Variants in C1QTNF3 observed in about 807,000 individuals in gnomAD.
C1QTNF3 encodes C1q and TNF related 3.
Under a neutral mutation model 32.6 loss-of-function variants are expected in C1QTNF3, and 26 were observed. The ratio of observed to expected loss-of-function variants is 0.80; its 90% CI spans 0.58 to 1.11. The LOEUF (loss-of-function observed/expected upper bound fraction) is 1.11. Among genes scored for constraint, C1QTNF3 ranks in the 50% least tolerant of loss-of-function variants. C1QTNF3 has a pLI of 0.00. For synonymous variants in C1QTNF3, 155 were observed against 146.0 expected (o/e 1.06, Z -0.44); for missense variants, 362 against 398.2 (o/e 0.91, Z 0.77).
the C1QTNF3 span, among the ~76,000 whole-genome samples, chr5:34,092,104 C>T: frequency 3.3e-5 from 5 of 151,424 alleles, no homozygotes; most frequent in East Asian, 7.7e-4. Context: ...AAATCATAAT[C>T]GTTACTCAAT....
At chr5:34,023,014 C>A (rs1241689163) in intron 5 of C1QTNF3, among the ~76,000 whole-genome samples, 1 of 152,098 alleles carries the variant, frequency 6.6e-6, no homozygotes, top group East Asian at 1.9e-4. Flanking sequence ...TGCCACCATG[C>A]CCGGGTAATT....
At chr5:34,154,643 T>G in the C1QTNF3 span, among the ~76,000 whole-genome samples, 1 of 152,198 alleles carries the variant, frequency 6.6e-6, no homozygotes, top group Non-Finnish European at 1.5e-5. Flanking sequence ...GCATTAATAA[T>G]TCACTTAATC....
intron 1 of C1QTNF3, 117 bp from the exon 2 acceptor site, chr5:34,035,875 G>A (rs1754725081): frequency 2.8e-6 from 2 of 712,480 alleles, no homozygotes; most frequent in East Asian, 2.7e-5. Flanking sequence ...ATCACAGCAA[G>A]ATCACAAAAG....
chr5:34,018,458 A>G lies in C1QTNF3; in HGVS notation c.*2125T>C, dbSNP rs368753684. Among the ~76,000 whole-genome samples, 1 of 152,022 alleles carries G rather than the reference A, an allele frequency of 6.6e-6. No individual in the cohort carries two copies. The highest frequency in any genetic ancestry group is 2.1e-4 in the South Asian group (1 of 4,820). On this transcript the variant is annotated 3_prime_UTR_variant, in exon 6 of 6. Coordinates refer to ENST00000382065, the MANE Select transcript of C1QTNF3 (RefSeq NM_181435.6). ...TCCATGTACTTATTCCCTTTAGCCT[A>G]TTGTCCTCTACTAGGTTGAAAAATT...
rs1754746758 is a variant in C1QTNF3 at position 34,036,638 on chromosome 5, C to T, written c.304-880G>A. 4.6e-5 allele frequency among the ~76,000 whole-genome samples: 7 copies of T among 152,282 alleles called. No individual in the cohort carries two copies. In the South Asian group the frequency reaches 1.4e-3, roughly 32 times the overall value. On this transcript the variant is annotated intron_variant, in intron 1 of 5. Transcript: ENST00000382065. ...CAACTATTTAACATGATTTCTATTTCACACATTCCACTTTAAAATGTGAAA... is the reference window on the plus strand; with the variant it reads ...CAACTATTTAACATGATTTCTATTTTACACATTCCACTTTAAAATGTGAAA...
the C1QTNF3 span, among the ~76,000 whole-genome samples, chr5:34,228,730 T>A: frequency 6.6e-6 from 1 of 152,086 alleles, no homozygotes. Flanking sequence ...TTGTCATATT[T>A]AATCTGCATA....
the C1QTNF3 span, among the ~76,000 whole-genome samples, chr5:34,107,857 C>T: frequency 6.6e-6 from 1 of 152,092 alleles, no homozygotes; most frequent in East Asian, 1.9e-4. Context: ...CCCACCAGCA[C>T]AAAATACTCA....
chr5:34,178,042 G>A, the C1QTNF3 span, among the ~76,000 whole-genome samples: 1 of 150,438 alleles, frequency 6.6e-6, no homozygotes, highest in Non-Finnish European at 1.5e-5. Flanking sequence ...CAAGGCAGGT[G>A]GATCGCTTGA....
intron 5 of C1QTNF3, among the ~76,000 whole-genome samples, chr5:34,021,522 T>C (rs1262417704): frequency 1.3e-5 from 2 of 152,224 alleles, no homozygotes; most frequent in East Asian, 1.9e-4. Flanking sequence ...TGTCTTTATA[T>C]CTGGAAGAGC....
the C1QTNF3 span, among the ~76,000 whole-genome samples, chr5:34,120,812 A>G: frequency 6.6e-6 from 1 of 152,190 alleles, no homozygotes; most frequent in Non-Finnish European, 1.5e-5. Flanking sequence ...TAAATTGCCC[A>G]GTTTCAGGCA....
chr5:34,220,111 G>A, the C1QTNF3 span, among the ~76,000 whole-genome samples: 1 of 152,054 alleles, frequency 6.6e-6, no homozygotes, highest in Admixed American at 6.6e-5. Context: ...CAATGCAACA[G>A]TAGTCCTACG....
At chr5:34,196,940 G>A in the C1QTNF3 span, among the ~76,000 whole-genome samples, 3,318 of 139,284 alleles carry the variant, frequency 0.024, 1 homozygote, top group African/African-American at 0.083. Flanking sequence ...GATTACAGGC[G>A]TGAGCCACCA....
At chr5:34,063,199 TAAC>T in the C1QTNF3 span, among the ~76,000 whole-genome samples, 1 of 152,178 alleles carries the variant, frequency 6.6e-6, no homozygotes, top group South Asian at 2.1e-4. Context: ...GTTTTTTTCT[TAAC>T]TACTTGTATA....
Position 34,035,532 on chromosome 5 carries a change from T to C in C1QTNF3, c.415+115A>G, listed in dbSNP as rs375117402. 1,953 of 779,620 alleles carry C rather than the reference T, an allele frequency of 2.5e-3. 50 individuals are homozygous for C. The South Asian group carries it at 0.03, about 12-fold the overall frequency. The allele number at this position is 779,620 out of a possible 1,614,324, so 48.3% of individuals were successfully genotyped here. A position where few individuals can be genotyped will look rare whatever the true frequency, so the allele number is the denominator to read the frequency against. ...ACCTGGTATTCCAGGGTGCCAAGAG[T>C]CTAGCGGATCCTTTGGATCACACAG... On this transcript the variant is annotated intron_variant, in intron 2 of 5. Transcript: ENST00000382065.
the C1QTNF3 span, among the ~76,000 whole-genome samples, chr5:34,228,950 C>T: frequency 6.6e-6 from 1 of 151,506 alleles, no homozygotes; most frequent in African/African-American, 2.4e-5. Flanking sequence ...CCTTAGGATG[C>T]CAATTAGAGT....
At chr5:34,087,748 T>C in the C1QTNF3 span, among the ~76,000 whole-genome samples, 1 of 152,124 alleles carries the variant, frequency 6.6e-6, no homozygotes, top group Non-Finnish European at 1.5e-5. Context: ...CATTTCTGTC[T>C]AATTTATATA....
chr5:34,132,435 G>GTATATATATATATATATATATATA, the C1QTNF3 span, among the ~76,000 whole-genome samples: 24 of 137,720 alleles, frequency 1.7e-4, no homozygotes, highest in African/African-American at 5.8e-4. Flanking sequence ...GTATGTGTAT[G>GTATATATATATATATATATATATA]TATATATATA....
the C1QTNF3 span, among the ~76,000 whole-genome samples, chr5:34,181,542 T>C: frequency 1.2e-4 from 18 of 152,278 alleles, no homozygotes; most frequent in African/African-American, 4.1e-4. Context: ...TCCATGAAAT[T>C]GGGGTGTGGC....
At chr5:34,235,343 G>T in the C1QTNF3 span, among the ~76,000 whole-genome samples, 1 of 152,232 alleles carries the variant, frequency 6.6e-6, no homozygotes, top group South Asian at 2.1e-4. Context: ...AGTGTCTGGA[G>T]ACATTTTGAA....
Sources: allele counts gnomAD v4.1 joint callset (sites outside exome capture counted in the v4.1 genomes callset), GRCh38; gene constraint gnomAD v4.1.1; transcripts MANE v1.5; gene names NCBI Gene and HGNC (gene_info 2026-07-23, HGNC 2026-07-21).